Variants in SPOCK3 observed in about 807,000 individuals in gnomAD.
SPOCK3 encodes the protein testican-3.
In SPOCK3, 30 loss-of-function variants were observed where a neutral mutation model predicts 56.6. That is an observed-to-expected ratio of 0.53 (90% CI 0.40 to 0.72). The LOEUF (loss-of-function observed/expected upper bound fraction) is 0.72, where lower values mean the gene tolerates loss of function less well. Ranked by LOEUF, SPOCK3 falls within the 30% of genes least tolerant of loss-of-function variation. The pLI is 0.00. For missense variants in SPOCK3, 527 were observed against 530.0 expected (o/e 0.99, Z 0.06); for synonymous variants, 196 against 183.3 (o/e 1.07, Z -0.56).
chr4:166,843,541 T>A (rs1747732606), intron 6 of SPOCK3, among the ~76,000 whole-genome samples: 1 of 152,024 alleles, frequency 6.6e-6, no homozygotes, highest in Non-Finnish European at 1.5e-5. Flanking sequence ...CTTGAAAAAA[T>A]AAGCCACCAT....
At chr4:167,137,180 G>C (rs1331921183) in intron 2 of SPOCK3, among the ~76,000 whole-genome samples, 1 of 151,956 alleles carries the variant, frequency 6.6e-6, no homozygotes, top group African/African-American at 2.4e-5. Context: ...ACTGAGCAGA[G>C]AGAAAAATTG....
intron 6 of SPOCK3, among the ~76,000 whole-genome samples, chr4:166,871,918 GA>G (rs1402431356): frequency 1.3e-5 from 2 of 149,254 alleles, no homozygotes; most frequent in Non-Finnish European, 3.0e-5. Context: ...TACCAAATAA[GA>G]AAAAAAAATT....
At chr4:166,934,740 A>G (rs1050417683) in intron 4 of SPOCK3, among the ~76,000 whole-genome samples, 1 of 152,174 alleles carries the variant, frequency 6.6e-6, no homozygotes, top group Non-Finnish European at 1.5e-5. Flanking sequence ...TCTAGCACAT[A>G]CATTTCTAGA....
In SPOCK3 at chr4:166,912,710, C is replaced by T; in HGVS notation, c.384G>A (p.Trp128Ter). ...TGCAGGTGGATAATATGGGACCCCT[C>T]CACTGCCTATGGTCTACTCCTGCTT... ...MKEAGVDHRQ[W>*]RGPILSTCKQ... Residue 128 changes from tryptophan to a stop codon, truncating the protein, a stop_gained, in exon 5 of 11, where the codon TGG (tryptophan) becomes TGA (stop). Transcript: ENST00000357545. LOFTEE classifies it high-confidence loss of function. The T allele has an allele frequency of 6.2e-7, 1 of 1,613,282 alleles. No homozygotes were observed.
chr4:166,953,400 A>C (rs1484525119), intron 4 of SPOCK3, among the ~76,000 whole-genome samples: 1 of 151,816 alleles, frequency 6.6e-6, no homozygotes, highest in Admixed American at 6.6e-5. Flanking sequence ...ATCTCACACC[A>C]GTTAGAATGG....
intron 3 of SPOCK3, among the ~76,000 whole-genome samples, chr4:167,040,995 A>G (rs2150200800): frequency 6.6e-6 from 1 of 152,310 alleles, no homozygotes; most frequent in Non-Finnish European, 1.5e-5. Context: ...TCGAAGGTGT[A>G]ATGAGTGGTC....
intron 6 of SPOCK3, among the ~76,000 whole-genome samples, chr4:166,879,321 G>A (rs956114040): frequency 1.3e-5 from 2 of 151,978 alleles, no homozygotes; most frequent in African/African-American, 4.8e-5. Flanking sequence ...TTGAGGCCAG[G>A]ATTTAGAAAC....
chr4:167,031,664 G>A (rs1279780711), intron 3 of SPOCK3, among the ~76,000 whole-genome samples: 1 of 151,934 alleles, frequency 6.6e-6, no homozygotes, highest in East Asian at 1.9e-4. Flanking sequence ...ATGAAGTAGA[G>A]TATTATGATG....
intron 2 of SPOCK3, among the ~76,000 whole-genome samples, chr4:167,201,701 A>G (rs1733535775): frequency 6.6e-6 from 1 of 151,538 alleles, no homozygotes; most frequent in African/African-American, 2.4e-5. Context: ...TTCTTTAATG[A>G]CTACTAATGT....
intron 3 of SPOCK3, among the ~76,000 whole-genome samples, chr4:167,014,213 A>G (rs1750372647): frequency 6.6e-6 from 1 of 151,760 alleles, no homozygotes; most frequent in African/African-American, 2.4e-5. Flanking sequence ...CCTCCATGCA[A>G]TAAAATCCTT....
chr4:167,204,470 C>G (rs984237221), intron 2 of SPOCK3, among the ~76,000 whole-genome samples: 1 of 152,028 alleles, frequency 6.6e-6, no homozygotes, highest in African/African-American at 2.4e-5. Flanking sequence ...TGAGTGCCAC[C>G]AGGGGAAATG....
chr4:166,972,670 T>C (rs1490149117), intron 4 of SPOCK3, among the ~76,000 whole-genome samples: 1 of 145,994 alleles, frequency 6.8e-6, no homozygotes. Context: ...GTTTTAAGGA[T>C]GTTTATTTTA....
intron 6 of SPOCK3, among the ~76,000 whole-genome samples, chr4:166,840,945 A>T (rs1369413097): frequency 1.3e-5 from 2 of 150,802 alleles, no homozygotes; most frequent in African/African-American, 4.9e-5. Context: ...CGCCCGGCTA[A>T]TTTTTTGTAT....
intron 3 of SPOCK3, among the ~76,000 whole-genome samples, chr4:167,031,408 C>T (rs1465445571): frequency 1.3e-5 from 2 of 151,936 alleles, no homozygotes; most frequent in South Asian, 4.1e-4. Context: ...TACTAAAATA[C>T]TTTATTCCCT....
intron 3 of SPOCK3, 101 bp downstream of exon 3, chr4:167,062,390 AT>A (rs1755694376): frequency 1.3e-6 from 1 of 797,412 alleles, no homozygotes; most frequent in Non-Finnish European, 1.9e-6. Context: ...AAGCTCTTCT[AT>A]TTAGTATTTT....
chr4:167,156,266 T>C (rs1328337919), intron 2 of SPOCK3, among the ~76,000 whole-genome samples: 1 of 152,146 alleles, frequency 6.6e-6, no homozygotes, highest in Non-Finnish European at 1.5e-5. Context: ...GATATAGAGA[T>C]ATAGTTAATG....
intron 6 of SPOCK3, among the ~76,000 whole-genome samples, chr4:166,797,307 CTT>C (rs201922172): frequency 1.5e-4 from 8 of 53,218 alleles, no homozygotes; most frequent in Admixed American, 4.1e-4. Context: ...TTCTAAGTGG[CTT>C]TTTTTTTTTT....
chr4:166,849,195 T>C (rs904374827), intron 6 of SPOCK3, among the ~76,000 whole-genome samples: 2 of 152,202 alleles, frequency 1.3e-5, no homozygotes, highest in Non-Finnish European at 2.9e-5. Context: ...GGCTGATAAC[T>C]AGCTGGTATC....
At chr4:166,781,422 TAAAACAG>T (rs1020914214) in intron 7 of SPOCK3, among the ~76,000 whole-genome samples, 11 of 139,034 alleles carry the variant, frequency 7.9e-5, no homozygotes, top group South Asian at 2.4e-4. Flanking sequence ...GAGAAGAAAA[TAAAACAG>T]AGGAGGAGGA....
Sources: gnomAD v4.1 joint callset for allele counts (sites outside exome capture counted in the v4.1 genomes callset) on GRCh38, gnomAD v4.1.1 for gene constraint, MANE v1.5 for transcripts, NCBI Gene and HGNC (gene_info 2026-07-23, HGNC 2026-07-21) for gene names.